Variants in NECTIN4 observed in about 807,000 individuals in gnomAD.
The protein encoded by NECTIN4 is nectin cell adhesion molecule 4.
NECTIN4 carries 19 observed loss-of-function variants against 51.7 expected under a neutral mutation model. The ratio of observed to expected loss-of-function variants is 0.37; its 90% CI spans 0.26 to 0.54. NECTIN4 has a LOEUF of 0.54. NECTIN4 is among the 20% of genes least tolerant of loss of function. NECTIN4 has a pLI of 0.86. For synonymous variants in NECTIN4, 283 were observed against 286.9 expected, an observed-to-expected ratio of 0.99 and a Z score of 0.14; for missense variants, 619 against 662.4, an observed-to-expected ratio of 0.93 and a Z score of 0.72.
chr1:161,079,510 C>T, intron 2 of NECTIN4, 80 bp downstream of exon 2: 1 of 1,556,150 alleles, frequency 6.4e-7, no homozygotes. Flanking sequence ...TACCTCTGCC[C>T]CATCCATCTC....
intron 6 of NECTIN4, 57 bp from the exon 7 acceptor site, chr1:161,073,852 G>A: frequency 2.0e-6 from 3 of 1,504,298 alleles, no homozygotes; most frequent in South Asian, 2.3e-5. Context: ...CCCAAGGTGA[G>A]CCTATCCTGG....
In NECTIN4 at chr1:161,072,897, G is replaced by T. The variant is rs768880238; in HGVS notation, c.1309-12C>A. 1 of 1,603,834 alleles carries T rather than the reference G, an allele frequency of 6.2e-7. No homozygotes were observed. Among genetic ancestry groups the T allele is most frequent in the Admixed American group, 1.7e-5 (1 of 58,532 alleles). Reference sequence around the variant, plus strand: ...TCGGGCTCTTCACTCTGGAGACCAAGGGCAAAGGGCAAGTCAGGAACAAAG... The same window carrying T: ...TCGGGCTCTTCACTCTGGAGACCAATGGCAAAGGGCAAGTCAGGAACAAAG... On this transcript the variant is annotated splice_polypyrimidine_tract_variant and intron_variant, in intron 8 of 8. Coordinates refer to ENST00000368012, the MANE Select transcript of NECTIN4 (RefSeq NM_030916.3).
chr1:161,088,286 T>C (rs1654039343), intron 1 of NECTIN4, among the ~76,000 whole-genome samples: 1 of 152,132 alleles, frequency 6.6e-6, no homozygotes, highest in Admixed American at 6.5e-5. Context: ...CAAACTGTCC[T>C]GTCCAGATCA....
At chr1:161,083,807 G>A (rs554716331) in intron 1 of NECTIN4, among the ~76,000 whole-genome samples, 2 of 152,292 alleles carry the variant, frequency 1.3e-5, no homozygotes, top group South Asian at 2.1e-4. Flanking sequence ...TACCCCGCCC[G>A]CTCCCAGACA....
intron 2 of NECTIN4, among the ~76,000 whole-genome samples, 178 bp from the exon 3 acceptor site, chr1:161,077,921 G>A (rs918086315): frequency 6.6e-6 from 1 of 152,010 alleles, no homozygotes; most frequent in Non-Finnish European, 1.5e-5. Flanking sequence ...TCTCTACTGT[G>A]CGAATTTTTT....
At chr1:161,087,940 G>A (rs1654022332) in intron 1 of NECTIN4, among the ~76,000 whole-genome samples, 1 of 152,174 alleles carries the variant, frequency 6.6e-6, no homozygotes, top group South Asian at 2.1e-4. Flanking sequence ...AGATCCCACA[G>A]GAAAGTGACT....
At position 161,089,374 on chromosome 1, in the gene NECTIN4, G is replaced by A; in HGVS notation, c.-78C>T. ...GGAGCCGGCTGCAGACTTGAATAAG[G>A]AACTGACCCAGAAGGCAGGAAGCTG... On this transcript the variant is annotated 5_prime_UTR_variant, in exon 1 of 9. Coordinates refer to ENST00000368012, the MANE Select transcript of NECTIN4 (RefSeq NM_030916.3). This position sits in a 1 kb window ranked among gnomAD's most constrained non-coding sequence, Gnocchi z 4.1. The A allele has an allele frequency of 7.4e-7, 1 of 1,357,972 alleles. No individual in the cohort carries two copies. Among genetic ancestry groups the A allele is most frequent in the African/African-American group, 1.4e-5 (1 of 70,050 alleles). The allele number at this position is 1,357,972 out of a possible 1,614,324, so 84.1% of individuals were successfully genotyped here. A position where few individuals can be genotyped will look rare whatever the true frequency, so the allele number is the denominator to read the frequency against.
rs767975574 is a variant in NECTIN4 at position 161,072,707 on chromosome 1, G to A, written c.1487C>T (p.Pro496Leu). ...ATTGATGTAGATGCCATTGCCCGTG[G>A]GCTTGGCCCGTAGGGTCCCATTCTC... is the stretch of plus-strand genomic sequence containing the variant. ...VQENGTLRAK[P>L]TGNGIYINGR... The change falls in exon 9 of 9, where the codon CCC becomes CTC. Residue 496 changes from proline (P) to leucine (L), a missense_variant. Transcript: ENST00000368012. The A allele has an allele frequency of 6.2e-7, 1 of 1,614,224 alleles. No homozygotes were observed. Among genetic ancestry groups the A allele is most frequent in the African/African-American group, 1.3e-5 (1 of 75,056 alleles).
In NECTIN4 at chr1:161,077,691, GC is replaced by G; in HGVS notation, c.491del (p.Gly164AlafsTer2). On this transcript the variant is annotated frameshift_variant, in exon 3 of 9. Transcript: ENST00000368012. LOFTEE classifies it high-confidence loss of function. Reference sequence around the variant, plus strand: ...CTGTGCAGGAGGCTGCCAGGGTCAGGCCCTGGCCCTCTTCTAGTGCTGGACC... The same window carrying G: ...CTGTGCAGGAGGCTGCCAGGGTCAGGCCTGGCCCTCTTCTAGTGCTGGACC... ...NPGPALEEGQ[G>X]LTLAASCTAE... 6.2e-7 allele frequency: 1 copy of G among 1,612,856 alleles called. No individual in the cohort carries two copies. Among genetic ancestry groups the G allele is most frequent in the East Asian group, 2.2e-5 (1 of 44,878 alleles).
intron 1 of NECTIN4, chr1:161,086,914 G>C (rs1172471720): frequency 6.5e-6 from 1 of 153,342 alleles, no homozygotes; most frequent in African/African-American, 2.4e-5. Flanking sequence ...CAGACCCAGT[G>C]ACCCTTCCAA....
chr1:161,082,955 T>A (rs1204133046), intron 1 of NECTIN4, among the ~76,000 whole-genome samples: 1 of 152,104 alleles, frequency 6.6e-6, no homozygotes, highest in Non-Finnish European at 1.5e-5. Flanking sequence ...ATATTTTCCA[T>A]CCCTATTCCT....
Position 161,089,513 on chromosome 1 carries a change from G to C in NECTIN4, c.-217C>G. ...CCAAGAAGCCGTGATCGGGAGCTCC[G>C]AGCTCCCCCAGAGCTGCTTCCCACG... On this transcript the variant is annotated 5_prime_UTR_variant, in exon 1 of 9. Coordinates refer to ENST00000368012, the MANE Select transcript of NECTIN4 (RefSeq NM_030916.3). This position sits in a 1 kb window ranked among gnomAD's most constrained non-coding sequence, Gnocchi z 4.1. The C allele has an allele frequency of 1.7e-6, 1 of 591,998 alleles. No homozygotes were observed. Among genetic ancestry groups the C allele is most frequent in the Non-Finnish European group, 3.0e-6 (1 of 330,474 alleles). 36.7% of individuals were successfully genotyped at this position (591,998 alleles called of 1,614,324 possible). A position where few individuals can be genotyped will look rare whatever the true frequency, so the allele number is the denominator to read the frequency against.
chr1:161,073,635 C>T (rs1557943376), intron 7 of NECTIN4, 85 bp downstream of exon 7: 1 of 1,181,426 alleles, frequency 8.5e-7, no homozygotes, highest in Non-Finnish European at 1.3e-6. Flanking sequence ...GAGAGCTGTG[C>T]TCCTGGTCTG....
chr1:161,081,311 C>T (rs1653667131), intron 1 of NECTIN4, among the ~76,000 whole-genome samples: 1 of 151,506 alleles, frequency 6.6e-6, no homozygotes. Context: ...GGGGCAGTCA[C>T]TGAAGGCTGC....
chr1:161,072,183 C>T lies in NECTIN4; in HGVS notation c.*478G>A, dbSNP rs1653196907. On this transcript the variant is annotated 3_prime_UTR_variant, in exon 9 of 9. Coordinates refer to ENST00000368012, the MANE Select transcript of NECTIN4 (RefSeq NM_030916.3). ...CTGAGCCACAGTCTCCACCTCTCTC[C>T]TCCAACCTCTGCATCATTAATACTG... The T allele has an allele frequency of 7.7e-6, 2 of 260,648 alleles. No individual in the cohort carries two copies. The highest frequency in any genetic ancestry group is 1.5e-5 in the Non-Finnish European group (2 of 130,782). 16.1% of individuals were successfully genotyped at this position (260,648 alleles called of 1,614,324 possible). A position where few individuals can be genotyped will look rare whatever the true frequency, so the allele number is the denominator to read the frequency against.
chr1:161,073,662 C>G lies in NECTIN4; in HGVS notation c.1233+58G>C. 2.1e-6 allele frequency: 3 copies of G among 1,421,354 alleles called. No homozygotes were observed. The South Asian group carries it at 3.4e-5, about 16-fold the overall frequency. 88.0% of individuals were successfully genotyped at this position (1,421,354 alleles called of 1,614,324 possible). On this transcript the variant is annotated intron_variant, in intron 7 of 8. Transcript: ENST00000368012. ...CCTGGTCTGCAGAGGGGCCCAGGCA[C>G]AAGCAGACCCCAATGCGACCACACC...
chr1:161,073,959 G>GTGTGTGC (rs1422475859), intron 6 of NECTIN4, among the ~76,000 whole-genome samples, 164 bp from the exon 7 acceptor site: 2 of 152,174 alleles, frequency 1.3e-5, no homozygotes, highest in Non-Finnish European at 2.9e-5. Context: ...TGAAGAGCAT[G>GTGTGTGC]TGTGTGCTGT....
chr1:161,076,548 C>T, intron 3 of NECTIN4, 73 bp from the exon 4 acceptor site: 1 of 1,590,398 alleles, frequency 6.3e-7, no homozygotes, highest in Non-Finnish European at 8.6e-7. Flanking sequence ...AGGGCCCTGC[C>T]CCCACCCCAC....
In NECTIN4 at chr1:161,089,041, C is replaced by T. The variant is rs992465340; in HGVS notation, c.79+177G>A. Among the ~76,000 whole-genome samples the T allele has an allele frequency of 6.6e-6, 1 of 151,950 alleles. No homozygotes were observed. The highest frequency in any genetic ancestry group is 1.5e-5 in the Non-Finnish European group (1 of 67,974). On this transcript the variant is annotated intron_variant, in intron 1 of 8. Coordinates refer to ENST00000368012, the MANE Select transcript of NECTIN4 (RefSeq NM_030916.3). The surrounding 1 kb of genome is among the most constrained non-coding windows in gnomAD (Gnocchi z 4.1). ...GGAAACAAGAAGGGGGAGGGCTATA[C>T]TGGCTTTTCTGGGGGCACTGCTGGA...
Sources: gnomAD v4.1 joint callset for allele counts (sites outside exome capture counted in the v4.1 genomes callset) on GRCh38, gnomAD v4.1.1 for gene constraint, Gnocchi (gnomAD v3.1) non-coding constraint, MANE v1.5 for transcripts, NCBI Gene and HGNC (gene_info 2026-07-23, HGNC 2026-07-21) for gene names.